GRK5: variants seen among roughly 807,000 people sequenced by gnomAD.
The protein encoded by GRK5 is G protein-coupled receptor kinase 5.
Under a neutral mutation model 78.4 loss-of-function variants are expected in GRK5, and 40 were observed. The ratio of observed to expected loss-of-function variants is 0.51; its 90% CI spans 0.40 to 0.66. The LOEUF is 0.66. Among genes scored for constraint, GRK5 ranks in the 30% least tolerant of loss-of-function variants. The pLI, the probability that GRK5 is intolerant of heterozygous loss-of-function variation, is 0.00. For missense variants in GRK5, 598 were observed against 759.9 expected, an observed-to-expected ratio of 0.79 and a Z score of 2.50; for synonymous variants, 289 against 296.8, an observed-to-expected ratio of 0.97 and a Z score of 0.27.
At chr10:119,394,275 C>CGT (rs796894944) in intron 3 of GRK5, among the ~76,000 whole-genome samples, 13 of 19,158 alleles carry the variant, frequency 6.8e-4, no homozygotes, top group Non-Finnish European at 1.3e-3. Context: ...TGTGTGTGGG[C>CGT]GTGTGTGTGG....
intron 2 of GRK5, among the ~76,000 whole-genome samples, chr10:119,340,052 GT>G (rs1204168201): frequency 6.6e-6 from 1 of 151,956 alleles, no homozygotes; most frequent in African/African-American, 2.4e-5. Context: ...GTACTGCTTT[GT>G]TTTTTTTCTT....
intron 1 of GRK5, among the ~76,000 whole-genome samples, chr10:119,285,610 A>G (rs963382008): frequency 6.6e-5 from 10 of 152,194 alleles, no homozygotes; most frequent in Admixed American, 6.5e-4. Flanking sequence ...TGCTGTGTGA[A>G]CCATCAGCTC....
At chr10:119,221,771 C>A (rs1318241676) in intron 1 of GRK5, among the ~76,000 whole-genome samples, 1 of 151,978 alleles carries the variant, frequency 6.6e-6, no homozygotes, top group African/African-American at 2.4e-5. Flanking sequence ...CTTCAGTGAC[C>A]CTAGGGATGT....
intron 3 of GRK5, among the ~76,000 whole-genome samples, chr10:119,394,313 C>CGTGTGTGTGGATGGGT (rs1308713917): frequency 0.019 from 81 of 4,294 alleles, 5 homozygotes; most frequent in African/African-American, 0.076. Context: ...TGTGTGGGCA[C>CGTGTGTGTGGATGGGT]GTGGGTGTGT....
At chr10:119,389,428 A>G (rs754246344) in intron 3 of GRK5, among the ~76,000 whole-genome samples, 2 of 152,188 alleles carry the variant, frequency 1.3e-5, no homozygotes, top group Non-Finnish European at 2.9e-5. Flanking sequence ...GCACATAGAG[A>G]CAGTCAGAAC....
At chr10:119,270,097 G>A (rs1239646938) in intron 1 of GRK5, among the ~76,000 whole-genome samples, 5 of 152,188 alleles carry the variant, frequency 3.3e-5, no homozygotes, top group Admixed American at 3.3e-4. Context: ...ATTCAGGGTT[G>A]GGCATAAATA....
intron 1 of GRK5, among the ~76,000 whole-genome samples, chr10:119,288,828 T>C (rs1407867628): frequency 6.6e-6 from 1 of 152,224 alleles, no homozygotes; most frequent in East Asian, 1.9e-4. Context: ...GGCGGCTGGC[T>C]GGTCATCCAG....
intron 1 of GRK5, among the ~76,000 whole-genome samples, chr10:119,316,746 A>T (rs1937215800): frequency 6.6e-6 from 1 of 152,188 alleles, no homozygotes; most frequent in African/African-American, 2.4e-5. Context: ...TTGGTGTGTG[A>T]TTACCAGGAA....
intron 1 of GRK5, among the ~76,000 whole-genome samples, chr10:119,263,602 C>A (rs1849446206): frequency 6.6e-6 from 1 of 152,132 alleles, no homozygotes; most frequent in African/African-American, 2.4e-5. Context: ...TCTCTCCTCT[C>A]TTCTCTTCCC....
chr10:119,221,231 A>G (rs1363468491), intron 1 of GRK5, among the ~76,000 whole-genome samples: 1 of 152,034 alleles, frequency 6.6e-6, no homozygotes, highest in Non-Finnish European at 1.5e-5. Context: ...TACCAATCCC[A>G]CCACTCAGAA....
intron 1 of GRK5, among the ~76,000 whole-genome samples, chr10:119,315,023 C>T (rs1054619992): frequency 4.6e-5 from 7 of 152,344 alleles, no homozygotes; most frequent in Middle Eastern, 3.4e-3. Flanking sequence ...TCAGTGGGCT[C>T]CCCATCGTCT....
chr10:119,443,746 C>T lies in GRK5; in HGVS notation c.1260C>T (p.Cys420=). ...HKFSEEAKSI[C]KMLLTKDAKQ... ...TCTCCGAGGAGGCCAAGTCCATCTG[C>T]AAGATGGTGAGCTCCTGGTGGCCAG... is the stretch of plus-strand genomic sequence containing the variant. The change falls in exon 12 of 16, where the codon TGC becomes TGT. Residue 420 remains cysteine, a synonymous_variant. Coordinates refer to ENST00000392870, the MANE Select transcript of GRK5 (RefSeq NM_005308.3). The T allele has an allele frequency of 6.3e-7, 1 of 1,596,000 alleles. No individual in the cohort carries two copies. Among genetic ancestry groups the T allele is most frequent in the Non-Finnish European group, 8.6e-7 (1 of 1,166,886 alleles).
chr10:119,394,850 T>TCCAGCCCTATAAAATGAGGGGTGG (rs1470574154), intron 3 of GRK5, among the ~76,000 whole-genome samples: 7 of 151,054 alleles, frequency 4.6e-5, no homozygotes, highest in Admixed American at 2.7e-4. Context: ...CACGTGTGTG[T>TCCAGCCCTATAAAATGAGGGGTGG]GCACACATGT....
intron 1 of GRK5, among the ~76,000 whole-genome samples, chr10:119,316,950 C>T (rs1220886995): frequency 2.0e-5 from 3 of 152,200 alleles, no homozygotes; most frequent in Admixed American, 1.3e-4. Flanking sequence ...GCCCAGCCCC[C>T]CTCATGAGTC....
intron 1 of GRK5, among the ~76,000 whole-genome samples, chr10:119,325,529 C>G (rs1485467205): frequency 6.6e-6 from 1 of 152,142 alleles, no homozygotes; most frequent in Admixed American, 6.5e-5. Context: ...CCAAGGGGCA[C>G]AAAGGGCTCC....
At chr10:119,361,960 CAAAAAAAAAAAAAAAAAAA>C (rs71016566) in intron 2 of GRK5, among the ~76,000 whole-genome samples, 3 of 85,656 alleles carry the variant, frequency 3.5e-5, no homozygotes, top group Non-Finnish European at 4.8e-5. Flanking sequence ...GACTCTATCT[CAAAAAAAAAAAAAAAAAAA>C]AAAAAAAAAA....
At chr10:119,326,446 G>A (rs1850680562) in intron 1 of GRK5, 70 bp from the exon 2 acceptor site, 1 of 1,275,640 alleles carries the variant, frequency 7.8e-7, no homozygotes, top group Non-Finnish European at 1.1e-6. Context: ...GAGGCTGGTG[G>A]GCAGGCTCAC....
At position 119,336,122 on chromosome 10, in the gene GRK5, T is replaced by C. The variant is rs1423011091; in HGVS notation, c.148+9511T>C. On this transcript the variant is annotated intron_variant, in intron 2 of 15. Coordinates refer to ENST00000392870, the MANE Select transcript of GRK5 (RefSeq NM_005308.3). The surrounding 1 kb of genome is among the most constrained non-coding windows in gnomAD (Gnocchi z 4.5). The stretch of plus-strand genomic sequence containing the variant: ...GAGGCCAGCTGTTTTTGTGCTGAGG[T>C]GAAGTGGGTTCAGTGTCCCAGAGAC... 2 of 152,260 alleles carry C rather than the reference T, an allele frequency of 1.3e-5. No individual in the cohort carries two copies. Among genetic ancestry groups the C allele is most frequent in the East Asian group, 1.9e-4 (1 of 5,206 alleles). 9.4% of individuals were successfully genotyped at this position (152,260 alleles called of 1,614,324 possible). A position where few individuals can be genotyped will look rare whatever the true frequency, so the allele number is the denominator to read the frequency against.
intron 3 of GRK5, among the ~76,000 whole-genome samples, chr10:119,387,892 T>G (rs1360981637): frequency 1.3e-5 from 2 of 152,128 alleles, no homozygotes; most frequent in Admixed American, 1.3e-4. Context: ...ACAGGAGAAC[T>G]AAGTTCCTGC....
Sources: allele counts gnomAD v4.1 joint callset (sites outside exome capture counted in the v4.1 genomes callset), GRCh38; gene constraint gnomAD v4.1.1; non-coding constraint Gnocchi (gnomAD v3.1); transcripts MANE v1.5; gene names NCBI Gene and HGNC (gene_info 2026-07-23, HGNC 2026-07-21).